The following AFG1L variants were observed in gnomAD, a reference collection of about 807,000 sequenced individuals.
AFG1L encodes the protein AFG1-like ATPase.
Under a neutral mutation model 62.2 loss-of-function variants are expected in AFG1L, and 53 were observed. The observed-to-expected ratio is 0.85, with a 90% CI of 0.68 to 1.07. The LOEUF (loss-of-function observed/expected upper bound fraction) is 1.07. AFG1L is among the 50% of genes least tolerant of loss of function. The probability of loss-of-function intolerance (pLI) is 0.00; values close to 1 mark genes in which losing one functional copy is unlikely to be tolerated. For synonymous variants in AFG1L, 228 were observed against 210.3 expected, an observed-to-expected ratio of 1.08 and a Z score of -0.73; for missense variants, 555 against 590.5, an observed-to-expected ratio of 0.94 and a Z score of 0.62.
chr6:108,514,507 T>C (rs1774797513), intron 11 of AFG1L, among the ~76,000 whole-genome samples: 1 of 151,850 alleles, frequency 6.6e-6, no homozygotes, highest in Non-Finnish European at 1.5e-5. Context: ...GCACTAAACA[T>C]GGAAAGGAAC....
intron 8 of AFG1L, among the ~76,000 whole-genome samples, chr6:108,465,230 G>A (rs1358485345): frequency 6.6e-6 from 1 of 152,058 alleles, no homozygotes; most frequent in Non-Finnish European, 1.5e-5. Context: ...TCTAAATTTA[G>A]CTCCTTATTT....
intron 1 of AFG1L, among the ~76,000 whole-genome samples, chr6:108,313,452 C>T (rs1777484631): frequency 6.6e-6 from 1 of 152,172 alleles, no homozygotes; most frequent in African/African-American, 2.4e-5. Flanking sequence ...TTAACAATTG[C>T]TACTGTTAGT....
chr6:108,441,471 A>G (rs931473157), intron 7 of AFG1L, among the ~76,000 whole-genome samples: 3 of 152,040 alleles, frequency 2.0e-5, no homozygotes, highest in African/African-American at 7.2e-5. Flanking sequence ...CTATTTTAAA[A>G]TAAATTTTGT....
intron 5 of AFG1L, among the ~76,000 whole-genome samples, chr6:108,358,362 G>T (rs1387384551): frequency 1.3e-5 from 2 of 152,136 alleles, no homozygotes; most frequent in African/African-American, 4.8e-5. Flanking sequence ...AGTTTACAAT[G>T]TGTTTTTACA....
At chr6:108,494,788 TC>T (rs997297129) in intron 10 of AFG1L, among the ~76,000 whole-genome samples, 2 of 151,512 alleles carry the variant, frequency 1.3e-5, no homozygotes, top group Non-Finnish European at 2.9e-5. Context: ...TTTTTTTTTT[TC>T]AGACAGAGTC....
At chr6:108,355,184 TC>T (rs929293555) in intron 3 of AFG1L, among the ~76,000 whole-genome samples, 1 of 151,450 alleles carries the variant, frequency 6.6e-6, no homozygotes, top group African/African-American at 2.4e-5. Flanking sequence ...CAGGCAATTC[TC>T]CCATCTTGGC....
intron 6 of AFG1L, among the ~76,000 whole-genome samples, chr6:108,395,310 C>T (rs79463130): frequency 0.019 from 2,934 of 151,766 alleles, 59 homozygotes; most frequent in South Asian, 0.084. Flanking sequence ...GGAAAAAATC[C>T]CATAATGCCA....
At chr6:108,466,458 G>A (rs1440587316) in intron 8 of AFG1L, among the ~76,000 whole-genome samples, 2 of 152,140 alleles carry the variant, frequency 1.3e-5, no homozygotes, top group African/African-American at 4.8e-5. Context: ...TTACCCCAGT[G>A]GAACTATATT....
intron 6 of AFG1L, among the ~76,000 whole-genome samples, chr6:108,388,558 GA>G (rs1780880344): frequency 6.6e-6 from 1 of 152,182 alleles, no homozygotes; most frequent in Non-Finnish European, 1.5e-5. Context: ...ATGTGTCCCA[GA>G]GATTCTGGTA....
intron 7 of AFG1L, among the ~76,000 whole-genome samples, chr6:108,446,052 ACACAC>A (rs1308648365): frequency 1.9e-3 from 1 of 524 alleles, no homozygotes; most frequent in African/African-American, 2.4e-3. Flanking sequence ...ATGTAGAGAT[ACACAC>A]ACACACACAC....
At chr6:108,481,568 T>C (rs2114826452) in intron 10 of AFG1L, among the ~76,000 whole-genome samples, 1 of 152,204 alleles carries the variant, frequency 6.6e-6, no homozygotes, top group Non-Finnish European at 1.5e-5. Flanking sequence ...AAATACTATA[T>C]TTTTCACTGA....
At chr6:108,477,809 A>G (rs1773174566) in intron 10 of AFG1L, among the ~76,000 whole-genome samples, 1 of 152,220 alleles carries the variant, frequency 6.6e-6, no homozygotes, top group Non-Finnish European at 1.5e-5. Flanking sequence ...TGTTCAACAG[A>G]GAAAAAATGT....
rs1775121580 is a variant in AFG1L at position 108,521,461 on chromosome 6, T to G, written c.1318-836T>G. ...TTGCAGTGAGGCAAGATGGCACCAC[T>G]GCACTCCAGCCTGGGTGACAGAGTG... is the stretch of plus-strand genomic sequence containing the variant. On this transcript the variant is annotated intron_variant, in intron 12 of 12. Transcript: ENST00000368977. The G allele has an allele frequency of 2.0e-5, 3 of 152,306 alleles. No individual in the cohort carries two copies. The South Asian group carries it at 6.2e-4, about 32-fold the overall frequency. 9.4% of individuals were successfully genotyped at this position (152,306 alleles called of 1,614,324 possible).
chr6:108,296,583 A>G (rs1776775452), intron 1 of AFG1L, among the ~76,000 whole-genome samples: 1 of 152,216 alleles, frequency 6.6e-6, no homozygotes, highest in African/African-American at 2.4e-5. Flanking sequence ...AAGTAGTAAC[A>G]TGCTGTACAC....
At chr6:108,333,184 C>T (rs1447122186) in intron 2 of AFG1L, among the ~76,000 whole-genome samples, 2 of 150,786 alleles carry the variant, frequency 1.3e-5, no homozygotes, top group Non-Finnish European at 3.0e-5. Flanking sequence ...CCGAGGCGGG[C>T]AGATCACCTG....
At chr6:108,314,558 G>A (rs1024344709) in intron 1 of AFG1L, among the ~76,000 whole-genome samples, 9 of 151,806 alleles carry the variant, frequency 5.9e-5, no homozygotes, top group East Asian at 1.9e-4. Context: ...TGCCATGCCC[G>A]GCTAATTTCT....
chr6:108,464,941 G>A (rs1241180297), intron 8 of AFG1L, among the ~76,000 whole-genome samples: 2 of 152,176 alleles, frequency 1.3e-5, no homozygotes, highest in Non-Finnish European at 2.9e-5. Context: ...CACTGATGGG[G>A]CAATTACTCA....
intron 8 of AFG1L, among the ~76,000 whole-genome samples, chr6:108,469,008 TAAAA>T (rs1189225818): frequency 6.6e-6 from 1 of 152,208 alleles, no homozygotes; most frequent in African/African-American, 2.4e-5. Flanking sequence ...AGGGTCCTTT[TAAAA>T]ATGTCTTTAT....
chr6:108,302,722 A>G (rs1489324495), intron 1 of AFG1L, among the ~76,000 whole-genome samples: 2 of 152,140 alleles, frequency 1.3e-5, no homozygotes, highest in Non-Finnish European at 2.9e-5. Context: ...TCCAGTCAAA[A>G]CCTTGGTAAA....
Sources: gnomAD v4.1 joint callset for allele counts (sites outside exome capture counted in the v4.1 genomes callset) on GRCh38, gnomAD v4.1.1 for gene constraint, MANE v1.5 for transcripts, NCBI Gene and HGNC (gene_info 2026-07-23, HGNC 2026-07-21) for gene names.